NAV2: variants seen among roughly 807,000 people sequenced by gnomAD.
NAV2 encodes neuron navigator 2, also known as helicase, APC down-regulated 1.
NAV2 carries 54 observed loss-of-function variants against 223.2 expected under a neutral mutation model. That is an observed-to-expected ratio of 0.24 (90% CI 0.19 to 0.30). The LOEUF (loss-of-function observed/expected upper bound fraction) is 0.30. Among genes scored for constraint, NAV2 ranks in the 10% least tolerant of loss-of-function variants. The probability of loss-of-function intolerance (pLI) is 1.00; values close to 1 mark genes in which losing one functional copy is unlikely to be tolerated. For synonymous variants in NAV2, 1,279 were observed against 1,239.3 expected (o/e 1.03, Z -0.67); for missense variants, 2,806 against 3,147.5 (o/e 0.89, Z 2.60).
chr11:20,044,850 C>A, intron 13 of NAV2, 118 bp from the exon 14 acceptor site: 1 of 771,058 alleles, frequency 1.3e-6, no homozygotes, highest in Non-Finnish European at 2.1e-6. Context: ...AAGCTCTTTC[C>A]TCTGCCTCCC....
intron 18 of NAV2, among the ~76,000 whole-genome samples, chr11:20,055,175 A>G (rs977978679): frequency 5.9e-5 from 9 of 152,220 alleles, no homozygotes; most frequent in African/African-American, 2.2e-4. Flanking sequence ...TTAACACTTC[A>G]TTTCTGATTG....
At chr11:19,765,086 G>A (rs1196490604) in intron 1 of NAV2, among the ~76,000 whole-genome samples, 1 of 152,136 alleles carries the variant, frequency 6.6e-6, no homozygotes, top group Non-Finnish European at 1.5e-5. Context: ...TCTCCATGGT[G>A]TAGCCAGTGT....
rs759390660 is a variant in NAV2, at chr11:19,934,140, C to T, written c.1896C>T (p.Ser632=). Reference sequence around the variant, plus strand: ...CAGGAGGGACCACCCTGAACCACAGCATCAGCAGCCAGACTGTCAGTGGGT... The same window carrying T: ...CAGGAGGGACCACCCTGAACCACAGTATCAGCAGCCAGACTGTCAGTGGGT... ...KGPGGTTLNH[S]ISSQTVSGSV... is the part of the protein sequence containing the mutation. The change falls in exon 7 of 38, where the codon AGC becomes AGT. Residue 632 remains serine (S), a synonymous_variant. Transcript: ENST00000349880. The T allele has an allele frequency of 1.4e-5, 22 of 1,614,170 alleles. No individual in the cohort carries two copies. Among genetic ancestry groups the T allele is most frequent in the East Asian group, 6.7e-5 (3 of 44,876 alleles).
At chr11:19,834,452 A>C (rs960141309) in intron 2 of NAV2, among the ~76,000 whole-genome samples, 2 of 152,110 alleles carry the variant, frequency 1.3e-5, no homozygotes, top group African/African-American at 4.8e-5. Context: ...GTCCTCCTTC[A>C]CTTTAGTAAC....
chr11:19,918,253 T>A (rs1363921787), intron 6 of NAV2, among the ~76,000 whole-genome samples: 2 of 152,226 alleles, frequency 1.3e-5, no homozygotes, highest in African/African-American at 2.4e-5. Flanking sequence ...TAGTACAAAA[T>A]GTGACTCTTG....
intron 1 of NAV2, among the ~76,000 whole-genome samples, chr11:19,632,364 C>G (rs1293180398): frequency 6.6e-6 from 1 of 152,282 alleles, no homozygotes; most frequent in African/African-American, 2.4e-5. Flanking sequence ...AGGCTGTATG[C>G]TTCCATACAT....
intron 1 of NAV2, among the ~76,000 whole-genome samples, chr11:19,465,614 A>G (rs1278218412): frequency 3.9e-5 from 6 of 152,212 alleles, no homozygotes; most frequent in Admixed American, 3.9e-4. Context: ...CTTTTGAGAA[A>G]GTGACCAGAC....
chr11:19,499,379 G>A (rs117905093), intron 1 of NAV2, among the ~76,000 whole-genome samples: 3,766 of 152,324 alleles, frequency 0.025, 57 homozygotes, highest in Middle Eastern at 0.037. Flanking sequence ...ACCCCACACA[G>A]GGGTCAAGGT....
intron 1 of NAV2, among the ~76,000 whole-genome samples, chr11:19,705,496 C>T (rs913472018): frequency 5.3e-5 from 8 of 152,180 alleles, no homozygotes; most frequent in Admixed American, 2.0e-4. Flanking sequence ...CCCTGTCTGT[C>T]CAGGATTCTG....
intron 1 of NAV2, among the ~76,000 whole-genome samples, chr11:19,417,007 A>G (rs1850399758): frequency 6.6e-6 from 1 of 152,256 alleles, no homozygotes; most frequent in Non-Finnish European, 1.5e-5. Flanking sequence ...AAGAAAACCT[A>G]GGCAATACCA....
intron 20 of NAV2, among the ~76,000 whole-genome samples, chr11:20,064,080 A>G (rs1035756549): frequency 2.0e-5 from 3 of 152,186 alleles, no homozygotes; most frequent in Non-Finnish European, 2.9e-5. Context: ...TTTCCTTTTA[A>G]AGGCTTTATA....
At chr11:20,049,763 G>A in intron 15 of NAV2, 73 bp from the exon 16 acceptor site, 12 of 1,433,392 alleles carry the variant, frequency 8.4e-6, no homozygotes, top group South Asian at 3.4e-5. Context: ...TGAAAAAAAT[G>A]TATATAACAA....
chr11:19,403,221 G>A (rs553876219), intron 1 of NAV2, among the ~76,000 whole-genome samples: 2 of 152,342 alleles, frequency 1.3e-5, no homozygotes, highest in South Asian at 2.1e-4. Flanking sequence ...AGCCACTTAT[G>A]AAGTATCTAC....
intron 1 of NAV2, among the ~76,000 whole-genome samples, chr11:19,626,279 G>T (rs1050455977): frequency 1.3e-5 from 2 of 152,150 alleles, no homozygotes; most frequent in Non-Finnish European, 2.9e-5. Flanking sequence ...ATTTATTGAA[G>T]AGGGTGTCCT....
intron 1 of NAV2, among the ~76,000 whole-genome samples, chr11:19,473,356 G>A (rs535034962): frequency 2.6e-5 from 4 of 152,106 alleles, no homozygotes; most frequent in African/African-American, 9.6e-5. Context: ...AGGAGGGGGT[G>A]GGGGGAGAGG....
intron 1 of NAV2, among the ~76,000 whole-genome samples, chr11:19,436,742 C>T (rs1176910925): frequency 6.6e-6 from 1 of 151,912 alleles, no homozygotes; most frequent in Non-Finnish European, 1.5e-5. Context: ...AACACCTTTC[C>T]GTTTATTTGT....
intron 37 of NAV2, 93 bp downstream of exon 37, chr11:20,114,888 T>A: frequency 8.0e-7 from 1 of 1,256,180 alleles, no homozygotes; most frequent in Non-Finnish European, 1.1e-6. Flanking sequence ...CAAAGGTGAC[T>A]AAATCCAGCC....
intron 11 of NAV2, among the ~76,000 whole-genome samples, chr11:19,986,223 A>G (rs1371073941): frequency 6.6e-6 from 1 of 152,230 alleles, no homozygotes; most frequent in Non-Finnish European, 1.5e-5. Context: ...GATAGGTAGC[A>G]CTTGTTAGGT....
intron 6 of NAV2, among the ~76,000 whole-genome samples, chr11:19,924,308 A>C (rs776022395): frequency 8.6e-5 from 13 of 151,858 alleles, no homozygotes; most frequent in Admixed American, 5.2e-4. Context: ...AAAAAAAAAA[A>C]AAACAAAAAA....
Sources: gnomAD v4.1 joint callset for allele counts (sites outside exome capture counted in the v4.1 genomes callset) on GRCh38, gnomAD v4.1.1 for gene constraint, MANE v1.5 for transcripts, NCBI Gene and HGNC (gene_info 2026-07-23, HGNC 2026-07-21) for gene names.